Variants in SERGEF observed in about 807,000 individuals in gnomAD.
SERGEF encodes the protein secretion regulating guanine nucleotide exchange factor.
In SERGEF, 51 loss-of-function variants were observed where a neutral mutation model predicts 50.0. That is an observed-to-expected ratio of 1.02 (90% CI 0.81 to 1.29). The LOEUF (loss-of-function observed/expected upper bound fraction) is 1.29. Ranked by LOEUF, SERGEF falls within the 50% of genes most tolerant of loss-of-function variation. The pLI is 0.00. For missense variants in SERGEF, 521 were observed against 557.0 expected, an observed-to-expected ratio of 0.94 and a Z score of 0.65; for synonymous variants, 205 against 212.4, an observed-to-expected ratio of 0.97 and a Z score of 0.30.
intron 9 of SERGEF, among the ~76,000 whole-genome samples, chr11:17,929,929 A>G (rs573514058): frequency 6.6e-6 from 1 of 152,334 alleles, no homozygotes; most frequent in African/African-American, 2.4e-5. Context: ...GTGAGCGGGG[A>G]CTGCCTCTCC....
chr11:17,942,384 C>A (rs751486568), intron 9 of SERGEF, among the ~76,000 whole-genome samples: 1 of 151,886 alleles, frequency 6.6e-6, no homozygotes, highest in African/African-American at 2.4e-5. Context: ...AAATTATAAT[C>A]GTAAAAAAAC....
intron 8 of SERGEF, among the ~76,000 whole-genome samples, chr11:17,984,025 C>G (rs1565222879): frequency 6.6e-6 from 1 of 152,064 alleles, no homozygotes. Context: ...GAAAGGTCAG[C>G]AGACATCAGA....
chr11:17,934,971 A>T (rs925037240), intron 9 of SERGEF, among the ~76,000 whole-genome samples: 1 of 152,164 alleles, frequency 6.6e-6, no homozygotes, highest in African/African-American at 2.4e-5. Context: ...GATTTTCTCA[A>T]ACTAAGTCCT....
intron 10 of SERGEF, among the ~76,000 whole-genome samples, chr11:17,830,723 G>C (rs11024415): frequency 0.52 from 72,336 of 138,582 alleles, 20,323 homozygotes; most frequent in East Asian, 0.85. Context: ...AGGATGAACC[G>C]ACTCCCTCCA....
intron 9 of SERGEF, chr11:17,926,967 T>C: frequency 2.5e-6 from 1 of 395,614 alleles, no homozygotes; most frequent in Non-Finnish European, 5.1e-6. Context: ...CTTTGACGGA[T>C]AAACCAACCA....
At chr11:17,917,271 C>A (rs1037197225) in intron 9 of SERGEF, among the ~76,000 whole-genome samples, 3 of 152,152 alleles carry the variant, frequency 2.0e-5, no homozygotes, top group African/African-American at 7.2e-5. Context: ...TTGCAGCAAC[C>A]TGAATGGGAT....
intron 9 of SERGEF, among the ~76,000 whole-genome samples, chr11:17,934,616 C>G (rs957458396): frequency 2.0e-5 from 3 of 152,004 alleles, no homozygotes; most frequent in Admixed American, 1.3e-4. Context: ...TTATAAAGAC[C>G]CCCTAATCCT....
At position 17,985,029 on chromosome 11, in the gene SERGEF, T is replaced by C. The variant is rs112609803; in HGVS notation, c.844+3568A>G. ...AGGCCACGAAAATCTTCCAAGTTGT[T>C]GATAATATGAAAGAGCCACTTGCCT... On this transcript the variant is annotated intron_variant, in intron 8 of 10. Coordinates refer to ENST00000265965, the MANE Select transcript of SERGEF (RefSeq NM_012139.4). 7.7e-3 allele frequency among the ~76,000 whole-genome samples: 1,174 copies of C among 152,292 alleles called. 19 individuals are homozygous for C. The highest frequency in any genetic ancestry group is 0.027 in the African/African-American group (1,120 of 41,550).
chr11:17,895,862 ATATT>A (rs1288286904), intron 9 of SERGEF, among the ~76,000 whole-genome samples: 6 of 152,220 alleles, frequency 3.9e-5, no homozygotes, highest in Non-Finnish European at 8.8e-5. Context: ...GTCATACTAT[ATATT>A]CAGTTTTATA....
chr11:17,817,452 G>A (rs1199340822), intron 10 of SERGEF, among the ~76,000 whole-genome samples: 1 of 152,022 alleles, frequency 6.6e-6, no homozygotes, highest in Non-Finnish European at 1.5e-5. Context: ...CCCTGACCTC[G>A]TGATCTGCCT....
intron 9 of SERGEF, among the ~76,000 whole-genome samples, chr11:17,955,821 G>A (rs527503875): frequency 1.1e-4 from 17 of 152,194 alleles, no homozygotes; most frequent in Non-Finnish European, 2.2e-4. Flanking sequence ...AGGCTGAAGT[G>A]GTCCTGAAGA....
chr11:17,858,486 T>G (rs1461580969), intron 10 of SERGEF, among the ~76,000 whole-genome samples: 1 of 152,180 alleles, frequency 6.6e-6, no homozygotes, highest in Non-Finnish European at 1.5e-5. Context: ...TCATAAATAT[T>G]GATCTCTGGA....
intron 9 of SERGEF, among the ~76,000 whole-genome samples, chr11:17,912,965 G>GATA (rs1851981839): frequency 6.6e-6 from 1 of 152,216 alleles, no homozygotes; most frequent in African/African-American, 2.4e-5. Context: ...ATTCCAATGA[G>GATA]ATAATGGGTG....
intron 9 of SERGEF, among the ~76,000 whole-genome samples, chr11:17,936,772 A>G (rs1235220626): frequency 6.6e-6 from 1 of 152,208 alleles, no homozygotes; most frequent in East Asian, 1.9e-4. Flanking sequence ...GGAGTTTTCA[A>G]ATGAAGTACT....
intron 10 of SERGEF, among the ~76,000 whole-genome samples, chr11:17,798,413 G>A (rs1432047654): frequency 6.6e-6 from 1 of 152,226 alleles, no homozygotes; most frequent in African/African-American, 2.4e-5. Flanking sequence ...AGAGAAAACT[G>A]CATTTGGGTG....
intron 2 of SERGEF, 86 bp from the exon 3 acceptor site, chr11:18,006,832 G>T (rs1854084868): frequency 2.0e-6 from 3 of 1,472,244 alleles, no homozygotes; most frequent in Non-Finnish European, 2.8e-6. Context: ...TAATTATTTG[G>T]ACTCTCAGAC....
At chr11:17,819,645 T>A (rs932818817) in intron 10 of SERGEF, among the ~76,000 whole-genome samples, 3 of 152,204 alleles carry the variant, frequency 2.0e-5, no homozygotes, top group African/African-American at 7.2e-5. Flanking sequence ...TGCTCACTCA[T>A]GGCAATGCTC....
chr11:17,992,795 GAGCATACCAGTGGT>G, intron 7 of SERGEF, 122 bp downstream of exon 7: 1 of 735,538 alleles, frequency 1.4e-6, no homozygotes, highest in South Asian at 1.8e-5. Context: ...ATTTGCCTAA[GAGCATACCAGTGGT>G]AGCATCAGAA....
At chr11:17,957,489 G>A (rs908086588) in intron 9 of SERGEF, among the ~76,000 whole-genome samples, 2 of 152,080 alleles carry the variant, frequency 1.3e-5, no homozygotes, top group Admixed American at 6.5e-5. Context: ...AATGATCTTG[G>A]AAAGACAAAG....
Sources: gnomAD v4.1 joint callset for allele counts (sites outside exome capture counted in the v4.1 genomes callset) on GRCh38, gnomAD v4.1.1 for gene constraint, MANE v1.5 for transcripts, NCBI Gene and HGNC (gene_info 2026-07-23, HGNC 2026-07-21) for gene names.